Variants in NEK7 observed in about 807,000 individuals in gnomAD.
NEK7 encodes the protein NIMA related kinase 7, also known as serine/threonine-protein kinase Nek7.
Under a neutral mutation model 44.6 loss-of-function variants are expected in NEK7, and 18 were observed. That is an observed-to-expected ratio of 0.40 (90% confidence interval 0.28 to 0.60). NEK7 has a LOEUF of 0.60. Ranked by LOEUF, NEK7 falls within the 20% of genes least tolerant of loss-of-function variation. The pLI is 0.38. For missense variants in NEK7, 256 were observed against 366.5 expected (o/e 0.70, Z 2.46); for synonymous variants, 130 against 121.1 (o/e 1.07, Z -0.48).
intron 9 of NEK7, among the ~76,000 whole-genome samples, chr1:198,306,814 T>G (rs1004860086): frequency 6.6e-6 from 1 of 152,108 alleles, no homozygotes; most frequent in African/African-American, 2.4e-5. Context: ...CAAAAGACTT[T>G]TGCAACTTAT....
At chr1:198,198,310 C>T (rs1477547936) in intron 1 of NEK7, 7 of 398,698 alleles carry the variant, frequency 1.8e-5, no homozygotes, top group East Asian at 5.6e-5. Flanking sequence ...TAGGACATTA[C>T]GAGCACTGTG....
At chr1:198,162,876 G>A (rs1664150663) in intron 1 of NEK7, among the ~76,000 whole-genome samples, 1 of 152,016 alleles carries the variant, frequency 6.6e-6, no homozygotes. Flanking sequence ...GGCTTGGGGG[G>A]TTATATTATG....
chr1:198,256,431 T>C (rs1048595726), intron 3 of NEK7: 2 of 1,610,754 alleles, frequency 1.2e-6, no homozygotes, highest in African/African-American at 2.7e-5. Context: ...ATGGCAACAT[T>C]AACCAATCTT....
intron 5 of NEK7, among the ~76,000 whole-genome samples, chr1:198,274,840 G>A (rs778077935): frequency 1.3e-5 from 2 of 151,686 alleles, no homozygotes; most frequent in African/African-American, 2.4e-5. Flanking sequence ...TTTAAAAAGA[G>A]TGTGTCTATT....
intron 1 of NEK7, among the ~76,000 whole-genome samples, chr1:198,177,903 G>C (rs1471346089): frequency 6.6e-6 from 1 of 151,856 alleles, no homozygotes; most frequent in Non-Finnish European, 1.5e-5. Context: ...ACAAAATCAA[G>C]CAAGCAAACA....
chr1:198,263,643 C>G (rs549393721), intron 4 of NEK7, among the ~76,000 whole-genome samples: 69 of 151,890 alleles, frequency 4.5e-4, no homozygotes, highest in African/African-American at 1.6e-3. Flanking sequence ...GATATAAAAG[C>G]AATAGTTAGA....
chr1:198,317,057 TATTA>T (rs1351331902), intron 9 of NEK7, among the ~76,000 whole-genome samples: 4 of 151,992 alleles, frequency 2.6e-5, no homozygotes, highest in African/African-American at 9.7e-5. Flanking sequence ...TTTTATACTT[TATTA>T]ATTTTTTAAT....
intron 9 of NEK7, among the ~76,000 whole-genome samples, chr1:198,307,909 GGTAAAA>G (rs140427092): frequency 0.053 from 8,069 of 152,072 alleles, 362 homozygotes; most frequent in East Asian, 0.17. Context: ...AGACCAAGTA[GGTAAAA>G]GTAAAAGTAA....
intron 1 of NEK7, among the ~76,000 whole-genome samples, chr1:198,188,637 C>T (rs1571513354): frequency 1.3e-5 from 2 of 152,176 alleles, no homozygotes; most frequent in African/African-American, 4.8e-5. Flanking sequence ...GTTTTGTCTG[C>T]TTCTTGAGGC....
intron 1 of NEK7, among the ~76,000 whole-genome samples, chr1:198,170,693 A>G: frequency 6.6e-6 from 1 of 152,214 alleles, no homozygotes; most frequent in Admixed American, 6.5e-5. Context: ...AATAATTACT[A>G]ATTGTGAATT....
chr1:198,308,631 C>G (rs1301235735), intron 9 of NEK7, among the ~76,000 whole-genome samples: 1 of 152,232 alleles, frequency 6.6e-6, no homozygotes, highest in Non-Finnish European at 1.5e-5. Context: ...AAGCACGACT[C>G]ATGATTTCTC....
At chr1:198,282,842 G>C (rs1459285251) in intron 7 of NEK7, among the ~76,000 whole-genome samples, 1 of 152,090 alleles carries the variant, frequency 6.6e-6, no homozygotes, top group African/African-American at 2.4e-5. Flanking sequence ...GACAAGGAAT[G>C]TAGCCTGAGC....
At chr1:198,242,124 C>T (rs1666701280) in intron 2 of NEK7, among the ~76,000 whole-genome samples, 1 of 152,048 alleles carries the variant, frequency 6.6e-6, no homozygotes, top group South Asian at 2.1e-4. Context: ...GTTTTTGACT[C>T]CATCTCAAAT....
At chr1:198,216,038 C>T (rs765072132) in intron 1 of NEK7, among the ~76,000 whole-genome samples, 10 of 152,108 alleles carry the variant, frequency 6.6e-5, no homozygotes, top group East Asian at 1.9e-4. Context: ...ACTTCAACTG[C>T]GCTCTAGAAC....
chr1:198,176,658 T>A (rs1664611700), intron 1 of NEK7, among the ~76,000 whole-genome samples: 1 of 152,044 alleles, frequency 6.6e-6, no homozygotes, highest in East Asian at 1.9e-4. Context: ...GAGCAGTTAG[T>A]AGATTTTAAT....
At chr1:198,227,691 C>A (rs1249018615) in intron 1 of NEK7, among the ~76,000 whole-genome samples, 9 of 152,070 alleles carry the variant, frequency 5.9e-5, no homozygotes, top group Admixed American at 6.5e-5. Flanking sequence ...CTGTTCATAT[C>A]CTTCGCCCAC....
At chr1:198,199,359 A>T (rs1665348610) in intron 1 of NEK7, among the ~76,000 whole-genome samples, 1 of 152,080 alleles carries the variant, frequency 6.6e-6, no homozygotes, top group South Asian at 2.1e-4. Context: ...GTGAGCCATC[A>T]CTCCCTGCAG....
intron 9 of NEK7, among the ~76,000 whole-genome samples, chr1:198,310,398 G>C (rs1432407076): frequency 6.6e-6 from 1 of 150,942 alleles, no homozygotes; most frequent in African/African-American, 2.4e-5. Context: ...TAGGCTGCCT[G>C]TTCACTCTGA....
intron 5 of NEK7, among the ~76,000 whole-genome samples, chr1:198,276,939 A>G (rs764504044): frequency 6.9e-4 from 104 of 151,680 alleles, no homozygotes; most frequent in Non-Finnish European, 3.5e-4. Context: ...TAGTTCCTCC[A>G]TATTCAATAA....
Sources: gnomAD v4.1 joint callset for allele counts (sites outside exome capture counted in the v4.1 genomes callset) on GRCh38, gnomAD v4.1.1 for gene constraint, MANE v1.5 for transcripts, NCBI Gene and HGNC (gene_info 2026-07-23, HGNC 2026-07-21) for gene names.